Variants in CNTN5 observed in about 807,000 individuals in gnomAD.
The protein encoded by CNTN5 is contactin-5.
In CNTN5, 77 loss-of-function variants were observed where a neutral mutation model predicts 129.1. The ratio of observed to expected loss-of-function variants is 0.60; its 90% CI spans 0.50 to 0.72. The LOEUF is 0.72. Ranked by LOEUF, CNTN5 falls within the 30% of genes least tolerant of loss-of-function variation. The pLI, the probability that CNTN5 is intolerant of heterozygous loss-of-function variation, is 0.00. For missense variants in CNTN5, 1,478 were observed against 1,328.8 expected (o/e 1.11, Z -1.75); for synonymous variants, 509 against 465.6 (o/e 1.09, Z -1.20).
At chr11:99,344,350 CT>C (rs140987856) in intron 2 of CNTN5, among the ~76,000 whole-genome samples, 8,799 of 152,210 alleles carry the variant, frequency 0.058, 373 homozygotes, top group Non-Finnish European at 0.09. Flanking sequence ...TTGATCCTCA[CT>C]TTCTTTCAGG....
At chr11:99,872,935 A>G (rs1440770135) in intron 6 of CNTN5, among the ~76,000 whole-genome samples, 1 of 152,184 alleles carries the variant, frequency 6.6e-6, no homozygotes, top group Non-Finnish European at 1.5e-5. Flanking sequence ...CCGTATACTA[A>G]TGAACAATGT....
intron 3 of CNTN5, among the ~76,000 whole-genome samples, chr11:99,664,553 A>G (rs921326061): frequency 4.6e-5 from 7 of 152,184 alleles, no homozygotes; most frequent in African/African-American, 9.7e-5. Context: ...ATTTTTCGCT[A>G]TAGCCATCGT....
At chr11:99,523,631 GA>G (rs1565258490) in intron 2 of CNTN5, among the ~76,000 whole-genome samples, 2 of 47,480 alleles carry the variant, frequency 4.2e-5, no homozygotes, top group Admixed American at 2.4e-4. Context: ...GAATAGAATA[GA>G]ATAGAATAGA....
chr11:99,859,912 A>C (rs185701095), intron 6 of CNTN5, among the ~76,000 whole-genome samples: 13 of 152,274 alleles, frequency 8.5e-5, no homozygotes, highest in Admixed American at 6.5e-4. Context: ...TCTTTGAGAA[A>C]TCTCTAAACT....
chr11:99,283,655 C>T (rs185102989), intron 1 of CNTN5, among the ~76,000 whole-genome samples: 35 of 152,128 alleles, frequency 2.3e-4, no homozygotes, highest in African/African-American at 7.9e-4. Context: ...TAGTTTGTAA[C>T]GAGCACTGTG....
chr11:99,969,366 A>G (rs1431033541), intron 8 of CNTN5, among the ~76,000 whole-genome samples: 1 of 152,202 alleles, frequency 6.6e-6, no homozygotes, highest in African/African-American at 2.4e-5. Flanking sequence ...CTATGAACAC[A>G]TCTTTCTTCA....
At chr11:99,724,315 T>C (rs1212550875) in intron 3 of CNTN5, among the ~76,000 whole-genome samples, 1 of 152,184 alleles carries the variant, frequency 6.6e-6, no homozygotes, top group Non-Finnish European at 1.5e-5. Flanking sequence ...AGAGCACTTA[T>C]TTAAATTACA....
At chr11:99,585,529 G>T (rs1049389022) in intron 3 of CNTN5, among the ~76,000 whole-genome samples, 1 of 151,786 alleles carries the variant, frequency 6.6e-6, no homozygotes, top group Non-Finnish European at 1.5e-5. Context: ...ACTTATAGTG[G>T]GATTTTCATA....
intron 2 of CNTN5, among the ~76,000 whole-genome samples, chr11:99,491,626 C>A (rs1487690040): frequency 6.6e-6 from 1 of 152,074 alleles, no homozygotes; most frequent in African/African-American, 2.4e-5. Context: ...GAATATACAT[C>A]CAGAAGCATA....
At chr11:99,962,056 T>C (rs1350729579) in intron 8 of CNTN5, among the ~76,000 whole-genome samples, 1 of 152,190 alleles carries the variant, frequency 6.6e-6, no homozygotes, top group Non-Finnish European at 1.5e-5. Context: ...ATTCTTGTGC[T>C]TATAGAGTGA....
intron 13 of CNTN5, among the ~76,000 whole-genome samples, chr11:100,076,987 TAAG>T (rs1411599792): frequency 6.6e-6 from 1 of 152,098 alleles, no homozygotes; most frequent in African/African-American, 2.4e-5. Flanking sequence ...TTCCATAATA[TAAG>T]AAGACACATA....
chr11:99,608,248 G>C (rs986536637), intron 3 of CNTN5, among the ~76,000 whole-genome samples: 2 of 152,062 alleles, frequency 1.3e-5, no homozygotes, highest in African/African-American at 2.4e-5. Flanking sequence ...TGCATACTAG[G>C]AATTGGAAGT....
chr11:99,950,940 G>C (rs904148206), intron 7 of CNTN5, among the ~76,000 whole-genome samples: 1 of 152,066 alleles, frequency 6.6e-6, no homozygotes, highest in Non-Finnish European at 1.5e-5. Context: ...TTTTCCACTG[G>C]TTCTTTCACC....
At chr11:99,521,505 A>C (rs1665865526) in intron 2 of CNTN5, among the ~76,000 whole-genome samples, 1 of 152,234 alleles carries the variant, frequency 6.6e-6, no homozygotes, top group African/African-American at 2.4e-5. Flanking sequence ...ACATTATAAT[A>C]ATTGCATTCA....
chr11:99,918,226 G>A (rs922809277), intron 7 of CNTN5, among the ~76,000 whole-genome samples: 5 of 151,278 alleles, frequency 3.3e-5, no homozygotes, highest in Admixed American at 6.6e-5. Context: ...TTTTGCTTTC[G>A]CACACTGACA....
At chr11:100,126,818 T>G (rs916906541) in intron 13 of CNTN5, among the ~76,000 whole-genome samples, 3 of 152,126 alleles carry the variant, frequency 2.0e-5, no homozygotes, top group African/African-American at 7.2e-5. Flanking sequence ...TTAATCTTAT[T>G]GTGAAGTCAT....
chr11:99,351,501 A>G (rs1336088898), intron 2 of CNTN5, among the ~76,000 whole-genome samples: 3 of 152,242 alleles, frequency 2.0e-5, no homozygotes, highest in Non-Finnish European at 2.9e-5. Context: ...CTTTCATTTT[A>G]AAATCCTTCC....
chr11:100,123,537 G>T (rs935163919), intron 13 of CNTN5, among the ~76,000 whole-genome samples: 1 of 151,872 alleles, frequency 6.6e-6, no homozygotes, highest in Admixed American at 6.6e-5. Context: ...AGTCATTTTT[G>T]CTAATTTAAA....
chr11:99,079,409 A>C (rs922156888), intron 1 of CNTN5, among the ~76,000 whole-genome samples: 3 of 152,040 alleles, frequency 2.0e-5, no homozygotes, highest in Non-Finnish European at 4.4e-5. Context: ...TATGGTTAGA[A>C]AAAAAAAGTG....
Sources: gnomAD v4.1 joint callset for allele counts (sites outside exome capture counted in the v4.1 genomes callset) on GRCh38, gnomAD v4.1.1 for gene constraint, MANE v1.5 for transcripts, NCBI Gene and HGNC (gene_info 2026-07-23, HGNC 2026-07-21) for gene names.